Variants in RARB observed in about 807,000 individuals in gnomAD.
RARB encodes the protein retinoic acid receptor beta, also known as HBV-activated protein.
Under a neutral mutation model 51.9 loss-of-function variants are expected in RARB, and 17 were observed. The observed-to-expected ratio is 0.33, with a 90% CI of 0.22 to 0.49. The LOEUF is 0.49. Among genes scored for constraint, RARB ranks in the 20% least tolerant of loss-of-function variants. RARB has a pLI of 0.99. For synonymous variants in RARB, 215 were observed against 195.4 expected (o/e 1.10, Z -0.84); for missense variants, 369 against 550.8 (o/e 0.67, Z 3.30).
At chr3:25,207,404 G>A (rs1036896454) in intron 5 of RARB, among the ~76,000 whole-genome samples, 1 of 152,254 alleles carries the variant, frequency 6.6e-6, no homozygotes, top group African/African-American at 2.4e-5. Context: ...GCTTGTTTGG[G>A]ACATGTAGTC....
At chr3:25,274,361 C>A (rs1703328417) in intron 5 of RARB, among the ~76,000 whole-genome samples, 1 of 151,808 alleles carries the variant, frequency 6.6e-6, no homozygotes, top group African/African-American at 2.4e-5. Flanking sequence ...GGCTACCATA[C>A]AGGGTGGTGC....
At chr3:24,935,871 A>G (rs1017530323) in intron 2 of RARB, among the ~76,000 whole-genome samples, 1 of 152,138 alleles carries the variant, frequency 6.6e-6, no homozygotes, top group Admixed American at 6.6e-5. Flanking sequence ...GCTCTGTCCA[A>G]TTGTTTATTG....
At chr3:25,031,393 T>A (rs1256357083) in intron 2 of RARB, among the ~76,000 whole-genome samples, 35 of 152,170 alleles carry the variant, frequency 2.3e-4, no homozygotes, top group Non-Finnish European at 4.7e-4. Flanking sequence ...TCCTGGCCGG[T>A]AAGCTTTTCC....
chr3:25,433,194 T>C (rs1708278084), intron 1 of RARB, among the ~76,000 whole-genome samples: 1 of 152,216 alleles, frequency 6.6e-6, no homozygotes, highest in African/African-American at 2.4e-5. Flanking sequence ...GACAATCATG[T>C]ATCTCTGATT....
chr3:24,840,659 C>A (rs1702408874), intron 1 of RARB, among the ~76,000 whole-genome samples: 2 of 141,670 alleles, frequency 1.4e-5, no homozygotes, highest in East Asian at 2.1e-4. Flanking sequence ...ATGTAAATGT[C>A]TTTTATAGCA....
At chr3:25,529,208 C>G (rs777693616) in intron 3 of RARB, among the ~76,000 whole-genome samples, 1 of 151,604 alleles carries the variant, frequency 6.6e-6, no homozygotes, top group African/African-American at 2.4e-5. Flanking sequence ...TAGCTATTGC[C>G]TAGGTATGTG....
intron 5 of RARB, among the ~76,000 whole-genome samples, chr3:25,381,879 C>A (rs1411047917): frequency 6.6e-6 from 1 of 152,148 alleles, no homozygotes; most frequent in Non-Finnish European, 1.5e-5. Flanking sequence ...TGAGAACTAC[C>A]ACTGTGGTGT....
At chr3:25,110,876 T>C (rs1383291865) in intron 3 of RARB, among the ~76,000 whole-genome samples, 1 of 152,178 alleles carries the variant, frequency 6.6e-6, no homozygotes. Flanking sequence ...AACAATGAGC[T>C]GCATTATGTG....
chr3:25,470,892 T>C (rs1246600260), intron 2 of RARB, among the ~76,000 whole-genome samples: 1 of 152,206 alleles, frequency 6.6e-6, no homozygotes, highest in African/African-American at 2.4e-5. Flanking sequence ...CAGGTCTCTC[T>C]TGTCACAGCC....
At chr3:25,473,036 T>C (rs1263659242) in intron 2 of RARB, among the ~76,000 whole-genome samples, 1 of 152,172 alleles carries the variant, frequency 6.6e-6, no homozygotes, top group Non-Finnish European at 1.5e-5. Context: ...CAAATATGTG[T>C]CCTTAAGCAC....
intron 5 of RARB, among the ~76,000 whole-genome samples, chr3:25,301,271 G>T (rs1310368301): frequency 1.3e-5 from 2 of 152,128 alleles, no homozygotes; most frequent in Non-Finnish European, 2.9e-5. Flanking sequence ...TACCAATGGG[G>T]TTAGTCTCCC....
upstream of RARB, among the ~76,000 whole-genome samples, chr3:25,426,108 C>A (rs548266576): frequency 6.6e-6 from 1 of 152,166 alleles, no homozygotes. Flanking sequence ...GAGCCATAAG[C>A]CTCATGGACC....
At chr3:24,971,967 T>C (rs2125418305) in intron 2 of RARB, among the ~76,000 whole-genome samples, 1 of 133,052 alleles carries the variant, frequency 7.5e-6, no homozygotes, top group Non-Finnish European at 1.6e-5. Flanking sequence ...CAGGGTAATC[T>C]GTCACCTTAA....
rs150246599 is a variant in RARB, at chr3:25,294,545, T to A, written c.178+119970T>A. 4.9e-3 allele frequency among the ~76,000 whole-genome samples: 751 copies of A among 152,232 alleles called. 5 individuals carry two copies. The highest frequency in any genetic ancestry group is 0.017 in the Middle Eastern group (5 of 294). Reference sequence around the variant, plus strand: ...CTACAACAGAAAGCCACTACCCCTCTCCCAACCCAGGCTGAAGGGACTACA... The same window carrying A: ...CTACAACAGAAAGCCACTACCCCTCACCCAACCCAGGCTGAAGGGACTACA... On this transcript the variant is annotated intron_variant, in intron 5 of 11. Coordinates refer to the RARB transcript ENST00000383772.
At chr3:25,294,863 T>C (rs1356186686) in intron 5 of RARB, among the ~76,000 whole-genome samples, 1 of 152,174 alleles carries the variant, frequency 6.6e-6, no homozygotes, top group African/African-American at 2.4e-5. Context: ...GCAGATTTGC[T>C]CTCAGATTCA....
intron 2 of RARB, among the ~76,000 whole-genome samples, chr3:24,879,782 A>C (rs940994080): frequency 1.3e-5 from 2 of 152,170 alleles, no homozygotes; most frequent in African/African-American, 4.8e-5. Flanking sequence ...TTCTCAGTGG[A>C]GAGATTTTTG....
intron 4 of RARB, among the ~76,000 whole-genome samples, chr3:25,166,591 C>T (rs1260895971): frequency 6.6e-6 from 1 of 152,176 alleles, no homozygotes; most frequent in Admixed American, 6.5e-5. Context: ...TTGAAAAAAT[C>T]TCTCTTTTTC....
intron 4 of RARB, among the ~76,000 whole-genome samples, chr3:25,577,611 G>A (rs1224958217): frequency 3.3e-5 from 5 of 152,058 alleles, no homozygotes; most frequent in Non-Finnish European, 5.9e-5. Flanking sequence ...AAGCCAGAAC[G>A]CTTGAACAAA....
At chr3:25,207,702 C>T (rs188836124) in intron 5 of RARB, among the ~76,000 whole-genome samples, 68 of 152,250 alleles carry the variant, frequency 4.5e-4, no homozygotes, top group African/African-American at 1.5e-3. Context: ...CCCTAACATA[C>T]CCCAAGTAGT....
Sources: gnomAD v4.1 joint callset for allele counts (sites outside exome capture counted in the v4.1 genomes callset) on GRCh38, gnomAD v4.1.1 for gene constraint, MANE v1.5 for transcripts, NCBI Gene and HGNC (gene_info 2026-07-23, HGNC 2026-07-21) for gene names.